The following TLK2 variants were observed in gnomAD, a reference collection of about 807,000 sequenced individuals.
TLK2 encodes the protein serine/threonine-protein kinase tousled-like 2.
In TLK2, 6 loss-of-function variants were observed where a neutral mutation model predicts 117.3. That is an observed-to-expected ratio of 0.05 (90% CI 0.03 to 0.10). TLK2 has a LOEUF of 0.10. Ranked by LOEUF, TLK2 falls within the 10% of genes least tolerant of loss-of-function variation. The pLI is 1.00. For synonymous variants in TLK2, 257 were observed against 316.7 expected (o/e 0.81, Z 2.00); for missense variants, 299 against 901.2 (o/e 0.33, Z 8.56).
chr17:62,524,039 T>C (rs1424556250), intron 5 of TLK2, among the ~76,000 whole-genome samples, 197 bp from the exon 6 acceptor site: 2 of 151,888 alleles, frequency 1.3e-5, no homozygotes, highest in African/African-American at 4.8e-5. Flanking sequence ...GGTATATTTC[T>C]GCTGGAGCTC....
intron 2 of TLK2, among the ~76,000 whole-genome samples, chr17:62,504,947 G>T (rs1162542769): frequency 6.6e-6 from 1 of 152,074 alleles, no homozygotes; most frequent in African/African-American, 2.4e-5. Context: ...AGTTTCAAGT[G>T]ATTCTTCTTC....
Position 62,523,173 on chromosome 17 carries a change from T to C in TLK2, c.263T>C (p.Phe88Ser). 6.3e-7 allele frequency: 1 copy of C among 1,599,058 alleles called. No homozygotes were observed. The highest frequency in any genetic ancestry group is 8.5e-7 in the Non-Finnish European group (1 of 1,176,338). ...AGGGGACATAAAATTAGTGATTACT[T>C]TGAGGTAAGTTACATTTTTTGAAAA... ...TPRGHKISDYFEFAGGSAPGT... is the reference protein window; with the variant it reads ...TPRGHKISDYSEFAGGSAPGT... Residue 88 changes from phenylalanine (F) to serine (S), a missense_variant, in exon 5 of 22, where the codon TTT becomes TCT. Phe to Ser is a radical substitution (Grantham distance 155). Coordinates refer to ENST00000346027, the MANE Select transcript of TLK2 (RefSeq NM_006852.6).
intron 2 of TLK2, among the ~76,000 whole-genome samples, chr17:62,517,838 T>C (rs2075733959): frequency 6.6e-6 from 1 of 152,132 alleles, no homozygotes. Flanking sequence ...GCTGGGACTA[T>C]TGGTGTGCAC....
rs370858271 is a variant in TLK2, at chr17:62,614,787, C to T, written c.*2222C>T. On this transcript the variant is annotated 3_prime_UTR_variant, in exon 22 of 22. Transcript: ENST00000346027. ...TAGTACCTTTTTTAAAAAAACATTT[C>T]CTCCAAGCTGCTAAGCAAAGGGTCT... 2.0e-4 allele frequency: 31 copies of T among 152,228 alleles called. 1 individual carries two copies. The highest frequency in any genetic ancestry group is 7.7e-4 in the East Asian group (4 of 5,190). The allele number at this position is 152,228 out of a possible 1,614,324, so 9.4% of individuals were successfully genotyped here.
At chr17:62,516,384 C>G (rs532709552) in intron 2 of TLK2, 3 of 1,582,032 alleles carry the variant, frequency 1.9e-6, no homozygotes, top group Admixed American at 3.4e-5. Flanking sequence ...CGGTTGCTGA[C>G]CCAGCCCCAG....
rs1271415205 is a variant in TLK2 at position 62,614,545 on chromosome 17, C to T, written c.*1980C>T. The T allele has an allele frequency of 6.6e-6, 1 of 152,076 alleles. No homozygotes were observed. The highest frequency in any genetic ancestry group is 1.5e-5 in the Non-Finnish European group (1 of 68,048). 9.4% of individuals were successfully genotyped at this position (152,076 alleles called of 1,614,324 possible). ...CTAGGACCTTCGTTTGTTTTGTGGACCTGCCTCAGTCTCCTCAGTATCAGG... is the reference window on the plus strand; with the variant it reads ...CTAGGACCTTCGTTTGTTTTGTGGATCTGCCTCAGTCTCCTCAGTATCAGG... On this transcript the variant is annotated 3_prime_UTR_variant, in exon 22 of 22. Transcript: ENST00000346027.
At chr17:62,532,767 A>G (rs1450045858) in intron 6 of TLK2, among the ~76,000 whole-genome samples, 1 of 152,218 alleles carries the variant, frequency 6.6e-6, no homozygotes, top group Non-Finnish European at 1.5e-5. Flanking sequence ...AAGCATTTAT[A>G]TCTATAAATA....
At chr17:62,542,140 C>T (rs1251774435) in intron 7 of TLK2, among the ~76,000 whole-genome samples, 2 of 152,202 alleles carry the variant, frequency 1.3e-5, no homozygotes, top group Non-Finnish European at 2.9e-5. Flanking sequence ...ATAGAACATG[C>T]ACATGACCCG....
chr17:62,516,514 A>G (rs2075604933), intron 2 of TLK2: 1 of 1,608,292 alleles, frequency 6.2e-7, no homozygotes, highest in Non-Finnish European at 8.5e-7. Flanking sequence ...CTCCGGGGGC[A>G]GATGAAGGTA....
intron 17 of TLK2, among the ~76,000 whole-genome samples, chr17:62,599,692 C>T (rs2082737975): frequency 6.6e-6 from 1 of 152,218 alleles, no homozygotes; most frequent in Admixed American, 6.5e-5. Flanking sequence ...AGTTTGTCTT[C>T]TCAGCTCTTC....
At chr17:62,479,569 C>T (rs1407579531) in intron 1 of TLK2, among the ~76,000 whole-genome samples, 1 of 151,872 alleles carries the variant, frequency 6.6e-6, no homozygotes, top group Non-Finnish European at 1.5e-5. Flanking sequence ...CCTCGGCAGC[C>T]TCCCGGGCGC....
chr17:62,496,027 T>C (rs1233060441), intron 2 of TLK2, among the ~76,000 whole-genome samples: 2 of 152,110 alleles, frequency 1.3e-5, no homozygotes, highest in African/African-American at 2.4e-5. Context: ...TTCACAGATA[T>C]ACAGTGAAAC....
chr17:62,520,085 A>G (rs1020959451), intron 2 of TLK2, among the ~76,000 whole-genome samples: 3 of 152,164 alleles, frequency 2.0e-5, no homozygotes, highest in African/African-American at 4.8e-5. Flanking sequence ...GACAATAGCA[A>G]GCTTTTCTGT....
chr17:62,473,945 G>A (rs2070989186), upstream of TLK2, among the ~76,000 whole-genome samples: 1 of 152,044 alleles, frequency 6.6e-6, no homozygotes, highest in South Asian at 2.1e-4. Context: ...ACGCAGGCTG[G>A]AGTACAATGG....
intron 2 of TLK2, among the ~76,000 whole-genome samples, chr17:62,517,852 C>T (rs1280748827): frequency 7.2e-5 from 11 of 152,104 alleles, no homozygotes; most frequent in South Asian, 2.1e-4. Flanking sequence ...TGTGCACCAT[C>T]CCGCCCGACT....
intron 13 of TLK2, 38 bp downstream of exon 13, chr17:62,576,813 T>C: frequency 6.6e-7 from 1 of 1,517,428 alleles, no homozygotes; most frequent in East Asian, 2.3e-5. Context: ...AGAAATGTGA[T>C]ACCTAGTTTA....
chr17:62,587,024 T>C (rs1266810419), intron 16 of TLK2, among the ~76,000 whole-genome samples: 1 of 152,024 alleles, frequency 6.6e-6, no homozygotes, highest in East Asian at 1.9e-4. Flanking sequence ...CTCAAAGTTC[T>C]TGGTCTTCAG....
chr17:62,477,616 A>T (rs2071095153), upstream of TLK2: 1 of 152,132 alleles, frequency 6.6e-6, no homozygotes, highest in Non-Finnish European at 1.5e-5. Context: ...CAAGGTCTGA[A>T]TTTTTCCCTT....
Position 62,505,903 on chromosome 17 carries a change from G to A in TLK2, c.82-14870G>A, listed in dbSNP as rs191525361. Among the ~76,000 whole-genome samples, 179 of 152,218 alleles carry A rather than the reference G, an allele frequency of 1.2e-3. 1 individual carries two copies. The highest frequency in any genetic ancestry group is 2.1e-3 in the Non-Finnish European group (141 of 68,018). ...AGATGGGGTTTTGCCATGTTGCTCA[G>A]GCTGGTCTCAAACTCCTGGGCTCAA... On this transcript the variant is annotated intron_variant, in intron 2 of 21. Transcript: ENST00000346027.
Sources: allele counts gnomAD v4.1 joint callset (sites outside exome capture counted in the v4.1 genomes callset), GRCh38; gene constraint gnomAD v4.1.1; transcripts MANE v1.5; gene names NCBI Gene and HGNC (gene_info 2026-07-23, HGNC 2026-07-21).